The following HIPK3 variants were observed in gnomAD, a reference collection of about 807,000 sequenced individuals.
HIPK3 encodes homeodomain-interacting protein kinase 3.
In HIPK3, 47 loss-of-function variants were observed where a neutral mutation model predicts 124.2. The observed-to-expected ratio is 0.38, with a 90% CI of 0.30 to 0.48. The LOEUF (loss-of-function observed/expected upper bound fraction) is 0.48, where lower values mean the gene tolerates loss of function less well. Ranked by LOEUF, HIPK3 falls within the 20% of genes least tolerant of loss-of-function variation. The pLI is 0.98. For synonymous variants in HIPK3, 482 were observed against 515.2 expected, an observed-to-expected ratio of 0.94 and a Z score of 0.87; for missense variants, 1,286 against 1,454.3, an observed-to-expected ratio of 0.88 and a Z score of 1.88.
intron 2 of HIPK3, among the ~76,000 whole-genome samples, chr11:33,326,438 A>G (rs1852813262): frequency 6.6e-6 from 1 of 152,158 alleles, no homozygotes. Flanking sequence ...AAGGTCTGGG[A>G]ACCATCCCAA....
At chr11:33,317,274 A>ATTTT (rs3028961) in intron 2 of HIPK3, among the ~76,000 whole-genome samples, 2,019 of 102,060 alleles carry the variant, frequency 0.02, 119 homozygotes, top group Middle Eastern at 0.045. Context: ...GCCTGGCCCT[A>ATTTT]TTTTTTTTTT....
At chr11:33,344,842 C>A (rs1375938389) in intron 8 of HIPK3, among the ~76,000 whole-genome samples, 1 of 152,140 alleles carries the variant, frequency 6.6e-6, no homozygotes, top group African/African-American at 2.4e-5. Flanking sequence ...TAGTATCTAA[C>A]GGGTAGATGT....
chr11:33,348,304 T>A, intron 12 of HIPK3, 76 bp downstream of exon 12: 1 of 1,358,868 alleles, frequency 7.4e-7, no homozygotes, highest in Non-Finnish European at 1.0e-6. Flanking sequence ...AGATAGCACA[T>A]TTACCAAAAA....
chr11:33,338,617 CTTTAA>C (rs1853233224), intron 4 of HIPK3, 135 bp from the exon 5 acceptor site: 1 of 464,654 alleles, frequency 2.2e-6, no homozygotes. Flanking sequence ...TTTGCGTATA[CTTTAA>C]AAAATACATT....
At chr11:33,337,504 C>T (rs570694391) in intron 4 of HIPK3, among the ~76,000 whole-genome samples, 1 of 150,244 alleles carries the variant, frequency 6.7e-6, no homozygotes, top group South Asian at 2.1e-4. Context: ...TACAGGCTTG[C>T]ACCACCATGC....
At chr11:33,312,684 A>G (rs1852387029) in intron 2 of HIPK3, among the ~76,000 whole-genome samples, 1 of 152,188 alleles carries the variant, frequency 6.6e-6, no homozygotes, top group South Asian at 2.1e-4. Flanking sequence ...TTTTATTTCT[A>G]ATATGGTTTA....
At chr11:33,317,467 A>G (rs1217705502) in intron 2 of HIPK3, among the ~76,000 whole-genome samples, 3 of 151,016 alleles carry the variant, frequency 2.0e-5, no homozygotes, top group Non-Finnish European at 4.4e-5. Flanking sequence ...GAGTCTCCAT[A>G]TATTATCTGA....
At chr11:33,283,362 G>A (rs918732499) in intron 1 of HIPK3, among the ~76,000 whole-genome samples, 5 of 152,118 alleles carry the variant, frequency 3.3e-5, no homozygotes, top group African/African-American at 9.7e-5. Flanking sequence ...CGCCCACCTC[G>A]GCCTGCCAAA....
intron 2 of HIPK3, among the ~76,000 whole-genome samples, chr11:33,299,620 C>T (rs1012323289): frequency 6.6e-6 from 1 of 152,134 alleles, no homozygotes; most frequent in Non-Finnish European, 1.5e-5. Flanking sequence ...GGATTGGCTC[C>T]AATTTTGAAA....
At chr11:33,322,344 G>T (rs1852689959) in intron 2 of HIPK3, among the ~76,000 whole-genome samples, 1 of 152,114 alleles carries the variant, frequency 6.6e-6, no homozygotes, top group African/African-American at 2.4e-5. Context: ...AAAGTTCAAT[G>T]AAATTTGCTT....
Position 33,257,623 on chromosome 11 carries a change from C to A in HIPK3, c.-269C>A. On this transcript the variant is annotated 5_prime_UTR_variant, in exon 1 of 17. Transcript: ENST00000303296. ...CCAAGCCGTCCCCACCCCAAATCCC[C>A]GGGAAGGAAGATGAGGGAGACGGGC... 1 of 988,650 alleles carries A rather than the reference C, an allele frequency of 1.0e-6. No individual in the cohort carries two copies. The highest frequency in any genetic ancestry group is 4.5e-5 in the South Asian group (1 of 22,124). 61.2% of individuals were successfully genotyped at this position (988,650 alleles called of 1,614,324 possible).
At chr11:33,315,059 C>T (rs1288302400) in intron 2 of HIPK3, among the ~76,000 whole-genome samples, 1 of 152,120 alleles carries the variant, frequency 6.6e-6, no homozygotes, top group African/African-American at 2.4e-5. Flanking sequence ...CTGTGATAAT[C>T]ATACATTAAT....
chr11:33,346,103 C>T (rs1374149571), intron 8 of HIPK3, among the ~76,000 whole-genome samples: 2 of 152,208 alleles, frequency 1.3e-5, no homozygotes, highest in Middle Eastern at 6.8e-3. Flanking sequence ...TTCTGATCTT[C>T]GGGGATGTCC....
Position 33,349,220 on chromosome 11 carries a change from C to G in HIPK3, c.2740C>G (p.Pro914Ala), listed in dbSNP as rs779519463. The G allele has an allele frequency of 7.4e-6, 12 of 1,613,498 alleles. No individual in the cohort carries two copies. The highest frequency in any genetic ancestry group is 3.3e-5 in the Admixed American group (2 of 59,996). ...NIDRMCSLSSPDSTLSTSSSG... is the reference protein window; with the variant it reads ...NIDRMCSLSSADSTLSTSSSG... ...TGATCGGATGTGTTCATTAAGTAGT[C>G]CTGATAGTACTCTGAGTACCAGCTC... Residue 914 changes from proline to alanine, a missense_variant, in exon 14 of 17, where the codon CCT (proline) becomes GCT (alanine). Pro to Ala is a conservative substitution (Grantham distance 27). This residue lies in a region of HIPK3 where 810 missense variants were observed against 864.9 expected (regional missense o/e 0.94). Transcript: ENST00000303296.
intron 1 of HIPK3, among the ~76,000 whole-genome samples, chr11:33,283,987 C>T (rs1162317592): frequency 6.6e-6 from 1 of 151,984 alleles, no homozygotes; most frequent in East Asian, 1.9e-4. Context: ...CTTTAGTTTT[C>T]TTAAAAGCAA....
At chr11:33,301,469 T>C (rs1017738793) in intron 2 of HIPK3, among the ~76,000 whole-genome samples, 26 of 152,090 alleles carry the variant, frequency 1.7e-4, no homozygotes, top group African/African-American at 5.1e-4. Flanking sequence ...TTTCACCATG[T>C]GCAAAATTAA....
chr11:33,310,044 C>T (rs180746280), intron 2 of HIPK3, among the ~76,000 whole-genome samples: 1,557 of 152,228 alleles, frequency 0.01, 7 homozygotes, highest in Non-Finnish European at 0.015. Flanking sequence ...ATTTCAATAG[C>T]TGGATAACTG....
chr11:33,277,721 T>C (rs1851308378), intron 1 of HIPK3, among the ~76,000 whole-genome samples: 1 of 152,240 alleles, frequency 6.6e-6, no homozygotes, highest in African/African-American at 2.4e-5. Context: ...TGCTGGATTA[T>C]AGAGTATGTC....
At chr11:33,304,971 T>C (rs1461387341) in intron 2 of HIPK3, among the ~76,000 whole-genome samples, 1 of 152,262 alleles carries the variant, frequency 6.6e-6, no homozygotes, top group Non-Finnish European at 1.5e-5. Context: ...TTTCACATTA[T>C]TGGCTTTGAA....
Sources: allele counts gnomAD v4.1 joint callset (sites outside exome capture counted in the v4.1 genomes callset), GRCh38; gene constraint gnomAD v4.1.1; regional missense constraint gnomAD v4.1.1; transcripts MANE v1.5; gene names NCBI Gene and HGNC (gene_info 2026-07-23, HGNC 2026-07-21).